LRRIQ1: variants seen among roughly 807,000 people sequenced by gnomAD.
The protein encoded by LRRIQ1 is leucine rich repeats and IQ motif containing 1.
In LRRIQ1, 210 loss-of-function variants were observed where a neutral mutation model predicts 211.9. The ratio of observed to expected loss-of-function variants is 0.99; its 90% CI spans 0.89 to 1.11. The LOEUF is 1.11. LRRIQ1 is among the 50% of genes most tolerant of loss of function. LRRIQ1 has a pLI of 0.00. For synonymous variants in LRRIQ1, 699 were observed against 650.1 expected (o/e 1.08, Z -1.14); for missense variants, 2,136 against 1,939.5 (o/e 1.10, Z -1.90).
intron 24 of LRRIQ1, among the ~76,000 whole-genome samples, chr12:85,199,698 G>T (rs776857387): frequency 5.3e-5 from 8 of 152,130 alleles, no homozygotes; most frequent in Non-Finnish European, 7.4e-5. Flanking sequence ...AGGGCAGCAG[G>T]ATGGAAAGAG....
chr12:85,061,172 C>T (rs961497111), intron 8 of LRRIQ1, among the ~76,000 whole-genome samples: 2 of 151,716 alleles, frequency 1.3e-5, no homozygotes, highest in Non-Finnish European at 3.0e-5. Context: ...ACCCAACACC[C>T]ATTATGCTCC....
chr12:85,226,418 A>G (rs369707908), intron 24 of LRRIQ1, among the ~76,000 whole-genome samples: 36 of 152,100 alleles, frequency 2.4e-4, no homozygotes, highest in African/African-American at 8.5e-4. Flanking sequence ...AAACCAGATC[A>G]GTAGCTGGGG....
intron 24 of LRRIQ1, among the ~76,000 whole-genome samples, chr12:85,181,372 G>A (rs1891973360): frequency 6.6e-6 from 1 of 151,704 alleles, no homozygotes; most frequent in African/African-American, 2.4e-5. Context: ...ATTCTTGTGA[G>A]TCTAGGATCT....
chr12:85,148,276 C>G (rs1282973232), intron 19 of LRRIQ1, among the ~76,000 whole-genome samples: 1 of 151,274 alleles, frequency 6.6e-6, no homozygotes, highest in Non-Finnish European at 1.5e-5. Flanking sequence ...ACCTATTGAC[C>G]TGTCCTCACA....
At chr12:85,145,684 C>T (rs1444611324) in intron 19 of LRRIQ1, among the ~76,000 whole-genome samples, 1 of 151,614 alleles carries the variant, frequency 6.6e-6, no homozygotes, top group African/African-American at 2.4e-5. Flanking sequence ...TAGGATATCC[C>T]ATGTCTTCTA....
At chr12:85,222,366 C>T (rs755100266) in intron 24 of LRRIQ1, among the ~76,000 whole-genome samples, 14 of 151,934 alleles carry the variant, frequency 9.2e-5, no homozygotes, top group Non-Finnish European at 1.5e-4. Flanking sequence ...AAGAGGGGCC[C>T]TTGGAAGAGA....
Position 85,124,349 on chromosome 12 carries a change from A to T in LRRIQ1, c.3837A>T (p.Lys1279Asn). The T allele has an allele frequency of 6.2e-7, 1 of 1,614,104 alleles. No individual in the cohort carries two copies. Among genetic ancestry groups the T allele is most frequent in the Non-Finnish European group, 8.5e-7 (1 of 1,180,012 alleles). Residue 1279 changes from lysine to asparagine, a missense_variant, in exon 17 of 27, where the codon AAA (lysine) becomes AAT (asparagine). By Grantham distance (94) the Lys-to-Asn change is moderately conservative (BLOSUM62 0). Transcript: ENST00000393217. ...DSVSSHSPLS[K>N]SATCENMEGR... ...TCTCCAGCCACTCCCCATTAAGCAA[A>T]TCCGCCACATGTGAAAATATGGAAG...
intron 19 of LRRIQ1, among the ~76,000 whole-genome samples, chr12:85,147,676 G>A (rs1434614278): frequency 6.6e-6 from 1 of 151,236 alleles, no homozygotes; most frequent in Non-Finnish European, 1.5e-5. Context: ...GCAGTGAAGT[G>A]GAGATGAGTA....
intron 11 of LRRIQ1, among the ~76,000 whole-genome samples, chr12:85,083,502 T>C (rs1884505883): frequency 6.6e-6 from 1 of 151,626 alleles, no homozygotes. Flanking sequence ...TGCAGTGGCC[T>C]GATCTCAGCT....
intron 19 of LRRIQ1, among the ~76,000 whole-genome samples, chr12:85,139,048 T>C (rs1889340683): frequency 6.6e-6 from 1 of 151,464 alleles, no homozygotes; most frequent in Non-Finnish European, 1.5e-5. Flanking sequence ...AGCAATGGAA[T>C]TTCTAGGACT....
rs780274982 is a variant in LRRIQ1 at position 85,056,661 on chromosome 12, A to G, written c.1868A>G (p.Asp623Gly). 3.1e-6 allele frequency: 5 copies of G among 1,602,842 alleles called. No individual in the cohort carries two copies. The South Asian group carries it at 4.5e-5, about 14-fold the overall frequency. The change falls in exon 8 of 27, where the codon GAT becomes GGT. Residue 623 changes from aspartate (D) to glycine (G), a missense_variant. Transcript: ENST00000393217. ...SLSLTSENSK[D>G]VRENVILQEK... ...TCACTAACATCAGAAAATTCCAAAG[A>G]TGTAAGAGAAAACGTAATATTACAA...
intron 11 of LRRIQ1, among the ~76,000 whole-genome samples, chr12:85,095,084 T>G (rs1262926493): frequency 1.3e-5 from 2 of 152,110 alleles, no homozygotes; most frequent in Admixed American, 6.6e-5. Flanking sequence ...TTACTTCTTT[T>G]TGTGTGTGTG....
At chr12:85,220,955 G>A (rs530938157) in intron 24 of LRRIQ1, among the ~76,000 whole-genome samples, 31 of 151,836 alleles carry the variant, frequency 2.0e-4, no homozygotes, top group African/African-American at 6.3e-4. Context: ...GATTACAGGC[G>A]TGCAATACCA....
At chr12:85,082,068 A>G (rs17012541) in intron 11 of LRRIQ1, among the ~76,000 whole-genome samples, 5,463 of 152,124 alleles carry the variant, frequency 0.036, 326 homozygotes, top group African/African-American at 0.13. Context: ...CTTTTGATGT[A>G]GATCCTTTAC....
chr12:85,192,391 A>G (rs1892565607), intron 24 of LRRIQ1, among the ~76,000 whole-genome samples: 1 of 137,302 alleles, frequency 7.3e-6, no homozygotes, highest in South Asian at 2.1e-4. Context: ...AAATATATAT[A>G]GTGTATATAT....
At chr12:85,258,376 A>G (rs76913325) in intron 1 of LRRIQ1, among the ~76,000 whole-genome samples, 4,762 of 151,960 alleles carry the variant, frequency 0.031, 239 homozygotes, top group African/African-American at 0.11. Flanking sequence ...TTAATTTTTT[A>G]TAATGTACAA....
intron 26 of LRRIQ1, among the ~76,000 whole-genome samples, chr12:85,235,442 A>G (rs1427578082): frequency 1.3e-5 from 2 of 152,186 alleles, no homozygotes; most frequent in Non-Finnish European, 2.9e-5. Context: ...GAAAATGGTG[A>G]CCTTCAATAG....
At chr12:85,109,036 G>A (rs1886981422) in intron 15 of LRRIQ1, among the ~76,000 whole-genome samples, 1 of 152,082 alleles carries the variant, frequency 6.6e-6, no homozygotes, top group Non-Finnish European at 1.5e-5. Flanking sequence ...TTTTTGCCCT[G>A]ATTTGGTTTC....
chr12:85,191,960 G>T (rs1892533252), intron 24 of LRRIQ1, among the ~76,000 whole-genome samples: 1 of 151,606 alleles, frequency 6.6e-6, no homozygotes, highest in Non-Finnish European at 1.5e-5. Context: ...TATTTTAATG[G>T]GGTTGTTCGT....
Sources: allele counts gnomAD v4.1 joint callset (sites outside exome capture counted in the v4.1 genomes callset), GRCh38; gene constraint gnomAD v4.1.1; transcripts MANE v1.5; gene names NCBI Gene and HGNC (gene_info 2026-07-23, HGNC 2026-07-21).